Variants in TSPAN8 observed in about 807,000 individuals in gnomAD.
The protein encoded by TSPAN8 is tetraspanin-8.
Under a neutral mutation model 32.8 loss-of-function variants are expected in TSPAN8, and 21 were observed. That is an observed-to-expected ratio of 0.64 (90% CI 0.45 to 0.92). The LOEUF (loss-of-function observed/expected upper bound fraction) is 0.92. Ranked by LOEUF, TSPAN8 falls within the 40% of genes least tolerant of loss-of-function variation. The pLI, the probability that TSPAN8 is intolerant of heterozygous loss-of-function variation, is 0.00. For missense variants in TSPAN8, 269 were observed against 281.9 expected, an observed-to-expected ratio of 0.95 and a Z score of 0.33; for synonymous variants, 95 against 94.6, an observed-to-expected ratio of 1.00 and a Z score of -0.03.
At chr12:71,127,908 T>A (rs1173915300) in intron 8 of TSPAN8, among the ~76,000 whole-genome samples, 1 of 152,230 alleles carries the variant, frequency 6.6e-6, no homozygotes, top group Admixed American at 6.5e-5. Context: ...AAATATCTCA[T>A]TTAAAGCATG....
At chr12:71,127,410 A>T (rs1018091663) in intron 8 of TSPAN8, among the ~76,000 whole-genome samples, 1 of 152,116 alleles carries the variant, frequency 6.6e-6, no homozygotes, top group African/African-American at 2.4e-5. Context: ...CAGGTTATAG[A>T]CTGAGGAACT....
chr12:71,139,176 C>A lies in TSPAN8; in HGVS notation c.261+535G>T, dbSNP rs148196668. ...ACTTGGATTCATCTTCCATCATTTACTGGAAACAGTTTTGCCGGTCTCCTG... is the reference window on the plus strand; with the variant it reads ...ACTTGGATTCATCTTCCATCATTTAATGGAAACAGTTTTGCCGGTCTCCTG... On this transcript the variant is annotated intron_variant, in intron 4 of 8. Coordinates refer to ENST00000247829, the MANE Select transcript of TSPAN8 (RefSeq NM_004616.3). 1,263 of 456,382 alleles carry A rather than the reference C, an allele frequency of 2.8e-3. 16 individuals are homozygous for A. The highest frequency in any genetic ancestry group is 0.022 in the African/African-American group (1,080 of 50,162). The allele number at this position is 456,382 out of a possible 1,614,324, so 28.3% of individuals were successfully genotyped here.
chr12:71,154,539 A>G (rs902742281), intron 2 of TSPAN8, among the ~76,000 whole-genome samples: 1 of 152,006 alleles, frequency 6.6e-6, no homozygotes, highest in African/African-American at 2.4e-5. Context: ...GTTTAATGAA[A>G]CACTGACCTC....
chr12:71,135,976 A>T (rs889406487), intron 6 of TSPAN8, among the ~76,000 whole-genome samples: 3 of 152,206 alleles, frequency 2.0e-5, no homozygotes, highest in Non-Finnish European at 4.4e-5. Flanking sequence ...CACATCAGAA[A>T]GGAAGTTAAA....
intron 2 of TSPAN8, among the ~76,000 whole-genome samples, chr12:71,155,052 C>T (rs761081561): frequency 4.6e-5 from 7 of 152,148 alleles, no homozygotes; most frequent in Non-Finnish European, 8.8e-5. Flanking sequence ...ATATTAGTAA[C>T]TTAACTCATC....
rs1043790616 is a variant in TSPAN8 at position 71,139,289 on chromosome 12, A to G, written c.261+422T>C. ...GAAAGCTTTTCCTACCCTCACTCAT[A>G]CAAATACCTTATTCACTTCTGCCCT... On this transcript the variant is annotated intron_variant, in intron 4 of 8. Transcript: ENST00000247829. The G allele has an allele frequency of 2.0e-5, 9 of 460,924 alleles. 1 individual carries two copies. Among genetic ancestry groups the G allele is most frequent in the South Asian group, 1.3e-4 (8 of 63,560 alleles). 28.6% of individuals were successfully genotyped at this position (460,924 alleles called of 1,614,324 possible).
intron 2 of TSPAN8, among the ~76,000 whole-genome samples, chr12:71,155,830 C>T (rs1872409049): frequency 6.6e-6 from 1 of 151,834 alleles, no homozygotes; most frequent in East Asian, 1.9e-4. Context: ...CTGCCAGGTT[C>T]AAGCAATTCT....
At chr12:71,127,540 G>A (rs1180970324) in intron 8 of TSPAN8, among the ~76,000 whole-genome samples, 1 of 152,116 alleles carries the variant, frequency 6.6e-6, no homozygotes, top group Non-Finnish European at 1.5e-5. Context: ...TTTTATGATA[G>A]TAACGCAAAA....
At chr12:71,125,464 A>G (rs1871323143) in intron 8 of TSPAN8, 77 bp from the exon 9 acceptor site, 1 of 1,221,140 alleles carries the variant, frequency 8.2e-7, no homozygotes, top group Non-Finnish European at 1.2e-6. Flanking sequence ...CAGAAAGAAC[A>G]TTATATATGA....
intron 6 of TSPAN8, among the ~76,000 whole-genome samples, chr12:71,137,708 C>T (rs1871748956): frequency 1.3e-5 from 2 of 152,130 alleles, no homozygotes; most frequent in African/African-American, 2.4e-5. Flanking sequence ...TTGACTCATT[C>T]GAGGCTTAAC....
At chr12:71,126,096 TG>T (rs936795799) in intron 8 of TSPAN8, among the ~76,000 whole-genome samples, 6 of 152,104 alleles carry the variant, frequency 3.9e-5, no homozygotes, top group Admixed American at 3.9e-4. Context: ...ACAGGACCTG[TG>T]TGCATTACCA....
At chr12:71,155,592 A>C (rs1592413029) in intron 2 of TSPAN8, among the ~76,000 whole-genome samples, 2 of 152,350 alleles carry the variant, frequency 1.3e-5, no homozygotes, top group East Asian at 3.9e-4. Flanking sequence ...TGATTCTAAC[A>C]GGAACATTTA....
At chr12:71,150,799 C>A (rs1184803128) in intron 2 of TSPAN8, among the ~76,000 whole-genome samples, 1 of 152,078 alleles carries the variant, frequency 6.6e-6, no homozygotes, top group Admixed American at 6.6e-5. Flanking sequence ...GTGAATAATT[C>A]TCATGAGATC....
intron 1 of TSPAN8, 28 bp from the exon 2 acceptor site, chr12:71,157,815 A>G: frequency 1.5e-6 from 1 of 661,302 alleles, no homozygotes; most frequent in East Asian, 2.5e-5. Context: ...AAAGCAAAGA[A>G]GTAGAGGGAG....
At chr12:71,135,607 G>T (rs4760908) in intron 6 of TSPAN8, among the ~76,000 whole-genome samples, 121,419 of 151,856 alleles carry the variant, frequency 0.8, 48,897 homozygotes, top group Admixed American at 0.85. Context: ...TATAGTCCTA[G>T]GAACACAAGG....
At chr12:71,139,102 T>A in intron 4 of TSPAN8, 1 of 455,698 alleles carries the variant, frequency 2.2e-6, no homozygotes, top group Middle Eastern at 3.3e-4. Context: ...CATTTAAACT[T>A]TTTTTTTAGC....
intron 2 of TSPAN8, among the ~76,000 whole-genome samples, chr12:71,147,831 A>T (rs1427615723): frequency 6.6e-6 from 1 of 152,144 alleles, no homozygotes; most frequent in African/African-American, 2.4e-5. Flanking sequence ...TAGTAAATAT[A>T]CTTTATTCAT....
chr12:71,139,586 T>C, intron 4 of TSPAN8, 125 bp downstream of exon 4: 2 of 1,315,812 alleles, frequency 1.5e-6, no homozygotes, highest in Non-Finnish European at 2.1e-6. Context: ...CAATCAAACC[T>C]TCTAAAGAGA....
At chr12:71,126,981 T>C (rs10879261) in intron 8 of TSPAN8, among the ~76,000 whole-genome samples, 2 of 151,958 alleles carry the variant, frequency 1.3e-5, no homozygotes, top group South Asian at 4.1e-4. Flanking sequence ...AGTCTTAACA[T>C]AGCTTTGAAA....
Sources: gnomAD v4.1 joint callset for allele counts (sites outside exome capture counted in the v4.1 genomes callset) on GRCh38, gnomAD v4.1.1 for gene constraint, MANE v1.5 for transcripts, NCBI Gene and HGNC (gene_info 2026-07-23, HGNC 2026-07-21) for gene names.